Variants in CAND2 observed in about 807,000 individuals in gnomAD.
CAND2 encodes cullin-associated NEDD8-dissociated protein 2.
In CAND2, 62 loss-of-function variants were observed where a neutral mutation model predicts 98.9. That is an observed-to-expected ratio of 0.63 (90% CI 0.51 to 0.77). The LOEUF is 0.77. Ranked by LOEUF, CAND2 falls within the 30% of genes least tolerant of loss-of-function variation. The pLI is 0.00. For missense variants in CAND2, 1,501 were observed against 1,655.2 expected, an observed-to-expected ratio of 0.91 and a Z score of 1.62; for synonymous variants, 770 against 731.9, an observed-to-expected ratio of 1.05 and a Z score of -0.84.
In CAND2 at chr3:12,816,093, TGA is replaced by T. The variant is rs2061896910; in HGVS notation, c.1441+88_1441+89del. 6.1e-6 allele frequency: 8 copies of T among 1,309,448 alleles called. No homozygotes were observed. In the South Asian group the frequency reaches 1.1e-4, roughly 18 times the overall value. 81.1% of individuals were successfully genotyped at this position (1,309,448 alleles called of 1,614,324 possible). A position where few individuals can be genotyped will look rare whatever the true frequency, so the allele number is the denominator to read the frequency against. On this transcript the variant is annotated intron_variant, in intron 9 of 14. Coordinates refer to ENST00000456430, the MANE Select transcript of CAND2 (RefSeq NM_001162499.2). ...ACCCCTGAGTTGAGCCCCCAGTTCC[TGA>T]GACAGTCTGAGACCCAATCCCAGGC...
rs1035419654 is a variant in CAND2 at position 12,815,854 on chromosome 3, C to T, written c.1300-13C>T. On this transcript the variant is annotated splice_polypyrimidine_tract_variant and intron_variant, in intron 8 of 14. Transcript: ENST00000456430. The surrounding 1 kb of genome is among the most constrained non-coding windows in gnomAD (Gnocchi z 5.7). ...GGTGTTCCCTGACCTTGACTTCCCC[C>T]TCCTGCCCACAGGTGCCCCTTGTGG... 8 of 1,609,926 alleles carry T rather than the reference C, an allele frequency of 5.0e-6. No homozygotes were observed. The Middle Eastern group carries it at 5.1e-4, about 103-fold the overall frequency.
In CAND2 at chr3:12,810,239, C is replaced by T; in HGVS notation, c.672C>T (p.Gly224=). ...LADHLLDRLP[G]PRVPTSPTAI... is the part of the protein sequence containing the mutation. ...ACCACCTACTGGACCGGCTGCCCGG[C>T]CCGCGGGTGCCCACCAGCCCGACTG... The change falls in exon 5 of 15, where the codon GGC becomes GGT. Residue 224 remains glycine, a synonymous_variant. Coordinates refer to ENST00000456430, the MANE Select transcript of CAND2 (RefSeq NM_001162499.2). 6.5e-7 allele frequency: 1 copy of T among 1,529,050 alleles called. No individual in the cohort carries two copies. The allele number at this position is 1,529,050 out of a possible 1,614,324, so 94.7% of individuals were successfully genotyped here. A position where few individuals can be genotyped will look rare whatever the true frequency, so the allele number is the denominator to read the frequency against.
intron 5 of CAND2, among the ~76,000 whole-genome samples, chr3:12,812,056 G>A (rs139370422): frequency 0.023 from 3,439 of 150,794 alleles, 125 homozygotes; most frequent in African/African-American, 0.077. Flanking sequence ...TTACAGGGGC[G>A]CACTGCCACG....
chr3:12,817,405 C>T lies in CAND2; in HGVS notation c.2473C>T (p.Arg825Cys), dbSNP rs780871369. The stretch of plus-strand genomic sequence containing the variant: ...CCAAGAGGCGGCAAGCACAGCCAGT[C>T]GCCTGGTCTGCGATGCCAGGTCGCC... The part of the protein sequence containing the change: ...CPQEAASTAS[R>C]LVCDARSPHS... Residue 825 changes from arginine (R) to cysteine (C), a missense_variant, in exon 10 of 15, where the codon CGC becomes TGC. By Grantham distance (180) the Arg-to-Cys change is radical. This residue lies in a region of CAND2 where 1,427 missense variants were observed against 1,545.3 expected (regional missense o/e 0.92). Coordinates refer to ENST00000456430, the MANE Select transcript of CAND2 (RefSeq NM_001162499.2). 9.3e-6 allele frequency: 15 copies of T among 1,613,668 alleles called. 1 individual carries two copies. The highest frequency in any genetic ancestry group is 6.7e-5 in the East Asian group (3 of 44,896).
chr3:12,820,001 G>A, intron 10 of CAND2, 85 bp from the exon 11 acceptor site: 5 of 1,041,804 alleles, frequency 4.8e-6, no homozygotes, highest in Non-Finnish European at 7.5e-6. Context: ...AGGGAAGCAG[G>A]GGGAGGAGCC....
chr3:12,830,323 AAGCTG>A (rs2062042751), intron 13 of CAND2, among the ~76,000 whole-genome samples: 1 of 152,186 alleles, frequency 6.6e-6, no homozygotes, highest in African/African-American at 2.4e-5. Flanking sequence ...GGGGCGCACA[AAGCTG>A]AACAGGACTT....
rs756898330 is a variant in CAND2, at chr3:12,817,578, G to A, written c.2646G>A (p.Ser882=). ...GTGAGGATGTGAGGGCTGCAGCCTCGTATGCACTGGGCCGTGTGGGTGCTG... is the reference window on the plus strand; with the variant it reads ...GTGAGGATGTGAGGGCTGCAGCCTCATATGCACTGGGCCGTGTGGGTGCTG... ...SPSEDVRAAA[S]YALGRVGAGS... Residue 882 remains serine (S), a synonymous_variant, in exon 10 of 15, where the codon TCG becomes TCA. Coordinates refer to ENST00000456430, the MANE Select transcript of CAND2 (RefSeq NM_001162499.2). 3.1e-6 allele frequency: 5 copies of A among 1,613,898 alleles called. No homozygotes were observed. The highest frequency in any genetic ancestry group is 4.5e-5 in the East Asian group (2 of 44,878).
chr3:12,805,603 G>A (rs2061800851), intron 2 of CAND2, among the ~76,000 whole-genome samples: 2 of 152,118 alleles, frequency 1.3e-5, no homozygotes, highest in South Asian at 4.1e-4. Context: ...TTTCTAAAGT[G>A]AGTGACCATC....
At chr3:12,808,392 TC>T in intron 4 of CAND2, 59 bp downstream of exon 4, 1 of 1,536,162 alleles carries the variant, frequency 6.5e-7, no homozygotes, top group Non-Finnish European at 8.8e-7. Flanking sequence ...AGGGAGGGAC[TC>T]AAATCACAGA....
At chr3:12,812,818 G>A (rs1475128662) in intron 5 of CAND2, among the ~76,000 whole-genome samples, 172 bp from the exon 6 acceptor site, 1 of 152,240 alleles carries the variant, frequency 6.6e-6, no homozygotes, top group East Asian at 1.9e-4. Flanking sequence ...AGGTCCCATA[G>A]CAGTTGGGTG....
At chr3:12,808,806 T>A (rs2061827422) in intron 4 of CAND2, among the ~76,000 whole-genome samples, 1 of 151,898 alleles carries the variant, frequency 6.6e-6, no homozygotes, top group Non-Finnish European at 1.5e-5. Flanking sequence ...TGGGCAGGTA[T>A]AAAGAGGATG....
chr3:12,818,279 CAAAA>C (rs1559554975), intron 10 of CAND2, among the ~76,000 whole-genome samples: 2 of 145,674 alleles, frequency 1.4e-5, no homozygotes, highest in African/African-American at 2.8e-5. Flanking sequence ...AAAAACAAAA[CAAAA>C]AACCTCATGA....
rs372298312 is a variant in CAND2, at chr3:12,816,858, A to C, written c.1926A>C (p.Leu642=). 62 of 1,613,556 alleles carry C rather than the reference A, an allele frequency of 3.8e-5. No homozygotes were observed. In the Middle Eastern group the frequency reaches 4.9e-4, roughly 13 times the overall value. The change falls in exon 10 of 15, where the codon CTA becomes CTC. Residue 642 remains leucine, a synonymous_variant. Coordinates refer to ENST00000456430, the MANE Select transcript of CAND2 (RefSeq NM_001162499.2). ...TTACGCTGGTGGCCGTATCCCCACT[A>C]CAGCTTGACCTACAGCCCATCCTGG... ...KALTLVAVSP[L]QLDLQPILAE...
rs139734900 is a variant in CAND2, at chr3:12,819,820, T to C, written c.2945-266T>C. Among the ~76,000 whole-genome samples, 695 of 152,326 alleles carry C rather than the reference T, an allele frequency of 4.6e-3. 3 individuals carry two copies. The highest frequency in any genetic ancestry group is 0.025 in the South Asian group (122 of 4,818). On this transcript the variant is annotated intron_variant, in intron 10 of 14. Coordinates refer to ENST00000456430, the MANE Select transcript of CAND2 (RefSeq NM_001162499.2). ...TGAGGGAAGGTCTTTGTTGGAGCAG[T>C]TCCTGTCTTGGTTATTGGTTCCCTG...
In CAND2 at chr3:12,825,503, T is replaced by C. The variant is rs867110863; in HGVS notation, c.3074T>C (p.Leu1025Pro). The C allele has an allele frequency of 6.4e-7, 1 of 1,571,580 alleles. No homozygotes were observed. The change falls in exon 12 of 15, where the codon CTG becomes CCG. Residue 1025 changes from leucine (L) to proline (P), a missense_variant. Physicochemically the swap from Leu to Pro is moderately conservative, Grantham distance 98 (BLOSUM62 -3). Coordinates refer to ENST00000456430, the MANE Select transcript of CAND2 (RefSeq NM_001162499.2). ...EFMESLQDPDLNVRRATLAFF... is the reference protein window; with the variant it reads ...EFMESLQDPDPNVRRATLAFF... ...ATGGAGAGCCTGCAGGACCCAGACC[T>C]GAACGTGCGCCGTGCGACTCTGGCT...
At chr3:12,833,559 G>T (rs1387483509) in intron 14 of CAND2, among the ~76,000 whole-genome samples, 196 bp from the exon 15 acceptor site, 1 of 152,156 alleles carries the variant, frequency 6.6e-6, no homozygotes, top group Non-Finnish European at 1.5e-5. Context: ...AACCTCTGTG[G>T]GGAAACTAGC....
chr3:12,810,316 A>T lies in CAND2; in HGVS notation c.749A>T (p.His250Leu). 1 of 1,456,980 alleles carries T rather than the reference A, an allele frequency of 6.9e-7. No individual in the cohort carries two copies. The highest frequency in any genetic ancestry group is 1.4e-5 in the South Asian group (1 of 72,360). 90.3% of individuals were successfully genotyped at this position (1,456,980 alleles called of 1,614,324 possible). Reference protein sequence around the residue: ...CLGSVGRQAGHRLGAHLDRLV... With the variant: ...CLGSVGRQAGLRLGAHLDRLV... ...GGCAGCGTCGGCCGCCAGGCCGGCC[A>T]CCGCCTCGGTAAGGGGGCAGGGGGC... Residue 250 changes from histidine (H) to leucine (L), a missense_variant, in exon 5 of 15, where the codon CAC becomes CTC. By Grantham distance (99) the His-to-Leu change is moderately conservative (BLOSUM62 -3). Transcript: ENST00000456430.
rs759322485 is a variant in CAND2 at position 12,815,128 on chromosome 3, G to T, written c.1007-13G>T. On this transcript the variant is annotated splice_polypyrimidine_tract_variant and intron_variant, in intron 7 of 14. Coordinates refer to ENST00000456430, the MANE Select transcript of CAND2 (RefSeq NM_001162499.2). This position sits in a 1 kb window ranked among gnomAD's most constrained non-coding sequence, Gnocchi z 5.7. The stretch of plus-strand genomic sequence containing the variant: ...GAGATGAGGGTTCCACGTGTGTCTT[G>T]TTCCTGCCCCAGAGAGTGAAGACGA... 12 of 1,596,438 alleles carry T rather than the reference G, an allele frequency of 7.5e-6. No individual in the cohort carries two copies. In the East Asian group the frequency reaches 1.3e-4, roughly 18 times the overall value.
At chr3:12,803,058 T>C (rs1271862812) in intron 1 of CAND2, among the ~76,000 whole-genome samples, 1 of 151,478 alleles carries the variant, frequency 6.6e-6, no homozygotes, top group African/African-American at 2.4e-5. Context: ...GGCATGATCT[T>C]GGCTCACTGC....
Sources: allele counts gnomAD v4.1 joint callset (sites outside exome capture counted in the v4.1 genomes callset), GRCh38; gene constraint gnomAD v4.1.1; regional missense constraint gnomAD v4.1.1; non-coding constraint Gnocchi (gnomAD v3.1); transcripts MANE v1.5; gene names NCBI Gene and HGNC (gene_info 2026-07-23, HGNC 2026-07-21).